Variants in ANO7 observed in about 807,000 individuals in gnomAD.
The protein encoded by ANO7 is anoctamin-7.
A neutral mutation model predicts 115.8 loss-of-function variants in ANO7; 114 were observed. The ratio of observed to expected loss-of-function variants is 0.98; its 90% CI spans 0.85 to 1.15. The LOEUF (loss-of-function observed/expected upper bound fraction) is 1.15. ANO7 is among the 50% of genes most tolerant of loss of function. The probability of loss-of-function intolerance (pLI) is 0.00; values close to 1 mark genes in which losing one functional copy is unlikely to be tolerated. For synonymous variants in ANO7, 550 were observed against 498.2 expected (o/e 1.10, Z -1.38); for missense variants, 1,302 against 1,201.2 (o/e 1.08, Z -1.24).
In ANO7 at chr2:241,195,716, C is replaced by G. The variant is rs765187231; in HGVS notation, c.180C>G (p.Leu60=). Residue 60 remains leucine (L), a synonymous_variant, in exon 4 of 25, where the codon CTC becomes CTG. Transcript: ENST00000674324. Reference sequence around the variant, plus strand: ...GTTGGCTCCCAGCAGACTTCGTCCTCGTTTGGGAGGAGGACCTGAAGCTAG... The same window carrying G: ...GTTGGCTCCCAGCAGACTTCGTCCTGGTTTGGGAGGAGGACCTGAAGCTAG... ...PAKPRIADFV[L]VWEEDLKLDR... 4.7e-5 allele frequency: 76 copies of G among 1,614,162 alleles called. No homozygotes were observed. In the East Asian group the frequency reaches 1.2e-3, roughly 25 times the overall value.
chr2:241,201,377 C>G, intron 7 of ANO7, 22 bp downstream of exon 7: 1 of 1,608,674 alleles, frequency 6.2e-7, no homozygotes, highest in African/African-American at 1.3e-5. Context: ...TTCCCTGCCG[C>G]GGGCCCCAAA....
intron 5 of ANO7, 132 bp downstream of exon 5, chr2:241,199,555 G>A (rs138062523): frequency 1.0e-4 from 86 of 850,380 alleles, no homozygotes; most frequent in African/African-American, 6.2e-4. Flanking sequence ...TACCCACCCC[G>A]ACACCAGGCC....
At chr2:241,230,284 C>A (rs751287783), downstream of ANO7, 3 of 1,502,520 alleles carry the variant, frequency 2.0e-6, no homozygotes, top group Non-Finnish European at 2.7e-6. The surrounding 1 kb of genome is among the most constrained non-coding windows in gnomAD (Gnocchi z 5.0). Context: ...AAGGGGTGTA[C>A]AACGTCAGAT....
chr2:241,202,129 C>A, intron 7 of ANO7, 65 bp from the exon 8 acceptor site: 2 of 1,409,080 alleles, frequency 1.4e-6, no homozygotes, highest in South Asian at 1.2e-5. Context: ...GACAGGCTAG[C>A]TAGGACTTCC....
intron 21 of ANO7, 45 bp downstream of exon 21, chr2:241,218,426 G>T (rs778561566): frequency 2.5e-4 from 324 of 1,270,722 alleles, no homozygotes; most frequent in Non-Finnish European, 3.1e-4. Flanking sequence ...GCACGAGGAC[G>T]AGGCGGAGCG....
At chr2:241,214,419 C>T (rs1417951215) in intron 17 of ANO7, among the ~76,000 whole-genome samples, 1 of 152,218 alleles carries the variant, frequency 6.6e-6, no homozygotes, top group Non-Finnish European at 1.5e-5. Flanking sequence ...TTGCAAGGCA[C>T]GTGTTCCCAG....
At position 241,217,683 on chromosome 2, in the gene ANO7, C is replaced by A; in HGVS notation, c.1973-3C>A. On this transcript the variant is annotated splice_polypyrimidine_tract_variant and splice_region_variant and intron_variant, in intron 19 of 24. Transcript: ENST00000674324. ...GAGCCCGGCCGTGACCCCCTCCCCG[C>A]AGTGCTGCAGTTCGGCTTCGTCACC... 3.2e-6 allele frequency: 5 copies of A among 1,576,992 alleles called. No individual in the cohort carries two copies. Among genetic ancestry groups the A allele is most frequent in the Non-Finnish European group, 4.3e-6 (5 of 1,162,174 alleles).
intron 4 of ANO7, among the ~76,000 whole-genome samples, chr2:241,198,937 C>T (rs141130439): frequency 6.6e-5 from 10 of 152,318 alleles, no homozygotes; most frequent in East Asian, 1.9e-4. Flanking sequence ...GGTGAGGCGA[C>T]GTTCGATGTT....
intron 1 of ANO7, 60 bp from the exon 2 acceptor site, chr2:241,189,997 G>A (rs1217898534): frequency 3.7e-6 from 5 of 1,350,148 alleles, no homozygotes; most frequent in Non-Finnish European, 5.1e-6. Flanking sequence ...GTGGCCCCAG[G>A]AACGGGTCTC....
rs752118682 is a variant in ANO7, at chr2:241,217,838, G to A, written c.2125G>A (p.Gly709Ser). 3.1e-6 allele frequency: 5 copies of A among 1,608,506 alleles called. No homozygotes were observed. Among genetic ancestry groups the A allele is most frequent in the Non-Finnish European group, 3.4e-6 (4 of 1,178,720 alleles). Reference sequence around the variant, plus strand: ...GGTGGCCGAGCGCGCCCAGGACATCGGCATCTGGTTCCACATCCTGGCGGG... The same window carrying A: ...GGTGGCCGAGCGCGCCCAGGACATCAGCATCTGGTTCCACATCCTGGCGGG... ...RPVAERAQDI[G>S]IWFHILAGLT... The change falls in exon 20 of 25, where the codon GGC (glycine) becomes AGC (serine). Residue 709 changes from glycine (G) to serine (S), a missense_variant. Transcript: ENST00000674324.
In ANO7 at chr2:241,223,135, C is replaced by T. The variant is rs752160330; in HGVS notation, c.2322-51C>T. On this transcript the variant is annotated intron_variant, in intron 21 of 24. Coordinates refer to ENST00000674324, the MANE Select transcript of ANO7 (RefSeq NM_001370694.2). The stretch of plus-strand genomic sequence containing the variant: ...TAGGCTAATTCCAGAGGCACCTGCC[C>T]AGCCAACACTCAGCCCTGGCTGCGC... The T allele has an allele frequency of 2.6e-6, 4 of 1,546,800 alleles. No individual in the cohort carries two copies. The African/African-American group carries it at 5.4e-5, about 21-fold the overall frequency.
At chr2:241,223,985 C>T (rs1439995969) in intron 24 of ANO7, 30 bp downstream of exon 24, 1 of 1,613,996 alleles carries the variant, frequency 6.2e-7, no homozygotes, top group Non-Finnish European at 8.5e-7. Flanking sequence ...GGCCCCTGCC[C>T]CGTGCACTCC....
At chr2:241,237,716 T>G in the ANO7 span, among the ~76,000 whole-genome samples, 1 of 127,440 alleles carries the variant, frequency 7.8e-6, no homozygotes, top group Admixed American at 8.5e-5. Context: ...AAAATGACAT[T>G]CAGAAAAAAA....
In ANO7 at chr2:241,225,531, A is replaced by G. The variant is rs2069139816; in HGVS notation, c.*1378A>G. ...CAGAGCAAGACTCCGTCTCGGGAAC[A>G]CACACACACAAAAAGAATATGTGGT... On this transcript the variant is annotated 3_prime_UTR_variant, in exon 25 of 25. Coordinates refer to ENST00000674324, the MANE Select transcript of ANO7 (RefSeq NM_001370694.2). Among the ~76,000 whole-genome samples the G allele has an allele frequency of 6.6e-6, 1 of 152,078 alleles. No individual in the cohort carries two copies. The highest frequency in any genetic ancestry group is 1.9e-4 in the East Asian group (1 of 5,194).
the ANO7 span, among the ~76,000 whole-genome samples, chr2:241,239,406 G>T: frequency 6.6e-6 from 1 of 151,082 alleles, no homozygotes; most frequent in Non-Finnish European, 1.5e-5. This position sits in a 1 kb window ranked among gnomAD's most constrained non-coding sequence, Gnocchi z 4.6. Flanking sequence ...CTCGCAGGCA[G>T]AATTCTCACC....
chr2:241,217,908 A>T lies in ANO7; in HGVS notation c.2178+17A>T. 7.6e-7 allele frequency: 1 copy of T among 1,322,844 alleles called. No homozygotes were observed. Among genetic ancestry groups the T allele is most frequent in the Non-Finnish European group, 1.0e-6 (1 of 1,002,204 alleles). 81.9% of individuals were successfully genotyped at this position (1,322,844 alleles called of 1,614,324 possible). ...ATCAGCAACGTGAGGCCCGGGCGGG[A>T]GCGCGGGGCGGGGCGGGGGCGCGCA... On this transcript the variant is annotated intron_variant, in intron 20 of 24. Transcript: ENST00000674324.
the ANO7 span, chr2:241,238,841 GGCAAGTTTTACA>G: frequency 2.1e-6 from 3 of 1,447,506 alleles, no homozygotes; most frequent in Non-Finnish European, 2.8e-6. This position sits in a 1 kb window ranked among gnomAD's most constrained non-coding sequence, Gnocchi z 4.9. Flanking sequence ...AATTCCTTAG[GGCAAGTTTTACA>G]GCACTCTTCA....
chr2:241,224,319 C>T lies in ANO7; in HGVS notation c.*166C>T, dbSNP rs61747382. The T allele has an allele frequency of 0.08, 57,107 of 717,354 alleles. 2,478 individuals carry two copies. The highest frequency in any genetic ancestry group is 0.13 in the Middle Eastern group (327 of 2,550). The allele number at this position is 717,354 out of a possible 1,614,324, so 44.4% of individuals were successfully genotyped here. A position where few individuals can be genotyped will look rare whatever the true frequency, so the allele number is the denominator to read the frequency against. ...CTTCCCCCCAGCGCCGGCTTCTCTC[C>T]TCAGAGCGCCTGTCACTCCATCCCC... On this transcript the variant is annotated 3_prime_UTR_variant, in exon 25 of 25. Coordinates refer to ENST00000674324, the MANE Select transcript of ANO7 (RefSeq NM_001370694.2).
In ANO7 at chr2:241,215,123, T is replaced by C. The variant is rs549858044; in HGVS notation, c.1826+221T>C. Among the ~76,000 whole-genome samples, 29 of 152,234 alleles carry C rather than the reference T, an allele frequency of 1.9e-4. No homozygotes were observed. In the South Asian group the frequency reaches 6.0e-3, roughly 32 times the overall value. The stretch of plus-strand genomic sequence containing the variant: ...CTGGCTGAGGTCTTCTGGGTTGTAG[T>C]TGTGGGAGACGCTACCCCTGGGACC... On this transcript the variant is annotated intron_variant, in intron 18 of 24. Coordinates refer to ENST00000674324, the MANE Select transcript of ANO7 (RefSeq NM_001370694.2).
Sources: allele counts gnomAD v4.1 joint callset (sites outside exome capture counted in the v4.1 genomes callset), GRCh38; gene constraint gnomAD v4.1.1; non-coding constraint Gnocchi (gnomAD v3.1); transcripts MANE v1.5; gene names NCBI Gene and HGNC (gene_info 2026-07-23, HGNC 2026-07-21).